The following PKP4 variants were observed in gnomAD, a reference collection of about 807,000 sequenced individuals.
PKP4 encodes plakophilin 4.
In PKP4, 90 loss-of-function variants were observed where a neutral mutation model predicts 145.1. That is an observed-to-expected ratio of 0.62 (90% CI 0.52 to 0.74). The LOEUF (loss-of-function observed/expected upper bound fraction) is 0.74. PKP4 is among the 30% of genes least tolerant of loss of function. The pLI, the probability that PKP4 is intolerant of heterozygous loss-of-function variation, is 0.00. For synonymous variants in PKP4, 563 were observed against 577.2 expected (o/e 0.98, Z 0.35); for missense variants, 1,340 against 1,482.7 (o/e 0.90, Z 1.58).
At chr2:158,679,133 G>A (rs1422433997) in intron 21 of PKP4, 1 of 162,938 alleles carries the variant, frequency 6.1e-6, no homozygotes, top group East Asian at 1.7e-4. Context: ...AGTGGTCAAG[G>A]TGGACTCAGC....
At chr2:158,491,486 T>G (rs536438984) in intron 1 of PKP4, among the ~76,000 whole-genome samples, 2 of 152,216 alleles carry the variant, frequency 1.3e-5, no homozygotes, top group South Asian at 2.1e-4. Flanking sequence ...CTTGTTATCT[T>G]TTTTTGGGTA....
At chr2:158,511,996 A>G (rs1242000493) in intron 1 of PKP4, among the ~76,000 whole-genome samples, 1 of 152,212 alleles carries the variant, frequency 6.6e-6, no homozygotes, top group Non-Finnish European at 1.5e-5. Flanking sequence ...GTGTTATGGT[A>G]TATCTTGTCT....
chr2:158,563,341 G>A (rs1444442894), intron 2 of PKP4, among the ~76,000 whole-genome samples: 1 of 152,046 alleles, frequency 6.6e-6, no homozygotes, highest in African/African-American at 2.4e-5. Flanking sequence ...CACCCTACAG[G>A]CATCCAGTCC....
At chr2:158,529,429 G>A (rs1217270151) in intron 1 of PKP4, among the ~76,000 whole-genome samples, 2 of 152,166 alleles carry the variant, frequency 1.3e-5, no homozygotes, top group African/African-American at 4.8e-5. Flanking sequence ...AAAAACAGGA[G>A]CTGTGTCATT....
In PKP4 at chr2:158,673,774, A is replaced by C. The variant is rs1378732119; in HGVS notation, c.3009+13A>C. ...CATTTATAAAAAGGTAACCTACAAG[A>C]ATAGCTCTGGCATAATTAGCATTCA... is the stretch of plus-strand genomic sequence containing the variant. On this transcript the variant is annotated intron_variant, in intron 18 of 21. Coordinates refer to ENST00000389759, the MANE Select transcript of PKP4 (RefSeq NM_003628.6). 1 of 1,566,188 alleles carries C rather than the reference A, an allele frequency of 6.4e-7. No homozygotes were observed. Among genetic ancestry groups the C allele is most frequent in the African/African-American group, 1.4e-5 (1 of 74,048 alleles).
At chr2:158,566,130 T>C (rs1359181438) in intron 2 of PKP4, among the ~76,000 whole-genome samples, 1 of 152,198 alleles carries the variant, frequency 6.6e-6, no homozygotes, top group Non-Finnish European at 1.5e-5. Context: ...TGTTAGGTGG[T>C]ATTTGTTTTC....
At chr2:158,598,506 G>A (rs762673251) in intron 3 of PKP4, among the ~76,000 whole-genome samples, 13 of 152,110 alleles carry the variant, frequency 8.5e-5, no homozygotes, top group Admixed American at 3.3e-4. Flanking sequence ...GGTGGCTCAC[G>A]CCTGTAATCC....
At chr2:158,675,406 C>A (rs928440774) in intron 19 of PKP4, among the ~76,000 whole-genome samples, 7 of 151,892 alleles carry the variant, frequency 4.6e-5, no homozygotes, top group African/African-American at 1.7e-4. Flanking sequence ...CAATGTGGCC[C>A]AAGGACGCCA....
intron 19 of PKP4, 27 bp downstream of exon 19, chr2:158,674,027 C>T (rs769948014): frequency 1.5e-5 from 18 of 1,217,276 alleles, no homozygotes; most frequent in South Asian, 2.4e-5. Flanking sequence ...CACTCCTTGG[C>T]GAGAACCTTT....
rs148454677 is a variant in PKP4, at chr2:158,610,291, C to G, written c.280+7187C>G. Among the ~76,000 whole-genome samples the G allele has an allele frequency of 3.9e-4, 59 of 152,118 alleles. No individual in the cohort carries two copies. In the East Asian group the frequency reaches 0.01, roughly 26 times the overall value. Reference sequence around the variant, plus strand: ...CATAATATTAGTGTGTCAGTTTTTCCATTGTTCACTGCTTCACATCTCGAA... The same window carrying G: ...CATAATATTAGTGTGTCAGTTTTTCGATTGTTCACTGCTTCACATCTCGAA... On this transcript the variant is annotated intron_variant, in intron 4 of 21. Coordinates refer to ENST00000389759, the MANE Select transcript of PKP4 (RefSeq NM_003628.6).
intron 2 of PKP4, 92 bp downstream of exon 2, chr2:158,533,408 C>A: frequency 7.0e-7 from 1 of 1,419,852 alleles, no homozygotes; most frequent in Non-Finnish European, 9.8e-7. Context: ...GTGTAACGTC[C>A]TTGACGCCTT....
At chr2:158,607,181 A>C (rs1382716341) in intron 4 of PKP4, among the ~76,000 whole-genome samples, 1 of 152,168 alleles carries the variant, frequency 6.6e-6, no homozygotes, top group Non-Finnish European at 1.5e-5. Flanking sequence ...GGTGTATGGG[A>C]TTGATCTTCT....
Position 158,562,649 on chromosome 2 carries a change from A to G in PKP4, c.133-14622A>G, listed in dbSNP as rs894005435. On this transcript the variant is annotated intron_variant, in intron 2 of 21. Coordinates refer to ENST00000389759, the MANE Select transcript of PKP4 (RefSeq NM_003628.6). ...TTGTTAGCATATATTTTGTCACAGT[A>G]AAAATATATACATATATCATCACCT... Among the ~76,000 whole-genome samples, 7 of 152,230 alleles carry G rather than the reference A, an allele frequency of 4.6e-5. No individual in the cohort carries two copies. In the South Asian group the frequency reaches 6.2e-4, roughly 13 times the overall value.
intron 17 of PKP4, among the ~76,000 whole-genome samples, chr2:158,670,655 A>G: frequency 6.6e-6 from 1 of 152,088 alleles, no homozygotes; most frequent in African/African-American, 2.4e-5. Flanking sequence ...GTTCTGCAGG[A>G]ACGTCTTCTT....
At chr2:158,491,073 A>G (rs1694867272) in intron 1 of PKP4, among the ~76,000 whole-genome samples, 1 of 152,106 alleles carries the variant, frequency 6.6e-6, no homozygotes, top group African/African-American at 2.4e-5. Flanking sequence ...TATTTTAAAG[A>G]TATGTGTCCC....
chr2:158,606,709 TC>T (rs2050688086), intron 4 of PKP4, among the ~76,000 whole-genome samples: 1 of 152,208 alleles, frequency 6.6e-6, no homozygotes, highest in Non-Finnish European at 1.5e-5. Context: ...CCAGTTTTTT[TC>T]ATGTAATATA....
chr2:158,491,297 C>T (rs1372027124), intron 1 of PKP4, among the ~76,000 whole-genome samples: 1 of 152,180 alleles, frequency 6.6e-6, no homozygotes, highest in African/African-American at 2.4e-5. Context: ...GCATCATAGA[C>T]TATCAGTACT....
rs537616999 is a variant in PKP4 at position 158,656,011 on chromosome 2, C to A, written c.1910-2120C>A. Among the ~76,000 whole-genome samples, 8 of 152,332 alleles carry A rather than the reference C, an allele frequency of 5.3e-5. No homozygotes were observed. In the South Asian group the frequency reaches 1.2e-3, roughly 24 times the overall value. On this transcript the variant is annotated intron_variant, in intron 11 of 21. Transcript: ENST00000389759. ...GGACAGACTGCCAAAAAAAGTGTTT[C>A]TCATGCTTAGCTCCCGGATCCTTTC...
intron 3 of PKP4, among the ~76,000 whole-genome samples, chr2:158,593,762 T>C (rs901118184): frequency 6.6e-6 from 1 of 152,172 alleles, no homozygotes; most frequent in African/African-American, 2.4e-5. Flanking sequence ...ACAGCTGTTA[T>C]AGGGATCCAA....
Sources: gnomAD v4.1 joint callset for allele counts (sites outside exome capture counted in the v4.1 genomes callset) on GRCh38, gnomAD v4.1.1 for gene constraint, MANE v1.5 for transcripts, NCBI Gene and HGNC (gene_info 2026-07-23, HGNC 2026-07-21) for gene names.